LHX8: variants seen among roughly 807,000 people sequenced by gnomAD.
The protein encoded by LHX8 is LIM homeobox 8, also known as LIM/homeobox protein Lhx8.
LHX8 carries 12 observed loss-of-function variants against 40.3 expected under a neutral mutation model. The observed-to-expected ratio is 0.30, with a 90% CI of 0.19 to 0.48. The LOEUF (loss-of-function observed/expected upper bound fraction) is 0.48. LHX8 is among the 20% of genes least tolerant of loss of function. The pLI, the probability that LHX8 is intolerant of heterozygous loss-of-function variation, is 0.99. For missense variants in LHX8, 344 were observed against 433.7 expected (o/e 0.79, Z 1.84); for synonymous variants, 179 against 162.0 (o/e 1.10, Z -0.80).
chr1:75,164,973 G>T (rs942063266), downstream of LHX8, among the ~76,000 whole-genome samples: 2 of 152,052 alleles, frequency 1.3e-5, no homozygotes, highest in Admixed American at 6.6e-5. Flanking sequence ...ACGTCCAGCC[G>T]AAAACTAGTA....
intron 7 of LHX8, 85 bp downstream of exon 7, chr1:75,148,767 T>G: frequency 1.1e-6 from 1 of 936,472 alleles, no homozygotes; most frequent in Non-Finnish European, 1.7e-6. Context: ...GATCTTGAAC[T>G]CTTGAGCTTA....
At chr1:75,181,835 G>A in the LHX8 span, among the ~76,000 whole-genome samples, 1 of 152,052 alleles carries the variant, frequency 6.6e-6, no homozygotes, top group African/African-American at 2.4e-5. Context: ...TCTTGGAAGG[G>A]ACCCCCATTT....
downstream of LHX8, among the ~76,000 whole-genome samples, chr1:75,164,153 A>G (rs533951047): frequency 9.6e-4 from 147 of 152,364 alleles, no homozygotes; most frequent in African/African-American, 3.3e-3. Context: ...TTTTATTATT[A>G]TGAATAGAGC....
intron 3 of LHX8, 61 bp from the exon 4 acceptor site, chr1:75,140,924 A>T: frequency 6.3e-7 from 1 of 1,584,558 alleles, no homozygotes; most frequent in Non-Finnish European, 8.7e-7. Flanking sequence ...TGCCCAATAC[A>T]CAAAACCAAT....
chr1:75,188,016 C>T, the LHX8 span, among the ~76,000 whole-genome samples: 2 of 152,124 alleles, frequency 1.3e-5, no homozygotes, highest in African/African-American at 4.8e-5. Context: ...CTTTCATGCC[C>T]CTTCATCTGT....
chr1:75,157,205 G>A, intron 8 of LHX8, 129 bp downstream of exon 8: 1 of 1,036,776 alleles, frequency 9.6e-7, no homozygotes, highest in Non-Finnish European at 1.5e-6. Flanking sequence ...ATTGTGGGGG[G>A]TGCAGTAGAG....
the LHX8 span, among the ~76,000 whole-genome samples, chr1:75,178,941 A>T: frequency 6.6e-6 from 1 of 152,184 alleles, no homozygotes; most frequent in Non-Finnish European, 1.5e-5. Flanking sequence ...CCCAGTAGTC[A>T]TTCAGGAGCA....
chr1:75,160,982 T>A lies in LHX8; in HGVS notation c.*87T>A, dbSNP rs1648903477. ...ACCATTGAAAAGATATTACTGTTAA[T>A]TTTTTATTTAACACCTAAAGCATTT... On this transcript the variant is annotated 3_prime_UTR_variant, in exon 9 of 9. Transcript: ENST00000356261. The A allele has an allele frequency of 9.7e-7, 1 of 1,032,238 alleles. No individual in the cohort carries two copies. The highest frequency in any genetic ancestry group is 1.6e-5 in the African/African-American group (1 of 62,330). 63.9% of individuals were successfully genotyped at this position (1,032,238 alleles called of 1,614,324 possible).
intron 6 of LHX8, among the ~76,000 whole-genome samples, chr1:75,145,645 T>G (rs1193950400): frequency 6.6e-6 from 1 of 152,106 alleles, no homozygotes; most frequent in Non-Finnish European, 1.5e-5. Context: ...GAGAAGAGAT[T>G]TGGAACCTTC....
the LHX8 span, among the ~76,000 whole-genome samples, chr1:75,180,803 C>G: frequency 2.6e-5 from 4 of 152,164 alleles, no homozygotes; most frequent in Non-Finnish European, 5.9e-5. Context: ...CTTTTCTGCT[C>G]TGGTTTCTCC....
chr1:75,133,765 A>G (rs1262540629), upstream of LHX8, among the ~76,000 whole-genome samples: 2 of 152,200 alleles, frequency 1.3e-5, no homozygotes, highest in African/African-American at 4.8e-5. Context: ...GCTCGGGCTT[A>G]CATTTTGTCT....
At chr1:75,156,565 G>A (rs1570305268) in intron 7 of LHX8, among the ~76,000 whole-genome samples, 1 of 152,144 alleles carries the variant, frequency 6.6e-6, no homozygotes, top group Non-Finnish European at 1.5e-5. Context: ...TTTAATAATT[G>A]CATTCAAGGG....
At chr1:75,168,648 T>C in the LHX8 span, among the ~76,000 whole-genome samples, 2 of 152,312 alleles carry the variant, frequency 1.3e-5, no homozygotes, top group African/African-American at 4.8e-5. Flanking sequence ...GAGCTTTTCC[T>C]GTTCTGGCCT....
At chr1:75,163,504 C>T (rs1278356749), downstream of LHX8, among the ~76,000 whole-genome samples, 1 of 152,142 alleles carries the variant, frequency 6.6e-6, no homozygotes, top group Non-Finnish European at 1.5e-5. Flanking sequence ...TCAATGGCTC[C>T]TACCGGAGGA....
chr1:75,150,570 C>T (rs1368493505), intron 7 of LHX8, among the ~76,000 whole-genome samples: 4 of 151,656 alleles, frequency 2.6e-5, no homozygotes, highest in East Asian at 1.9e-4. Context: ...AGGAAGGAGT[C>T]GGGTGGAGAA....
At chr1:75,179,084 A>T in the LHX8 span, among the ~76,000 whole-genome samples, 6 of 152,188 alleles carry the variant, frequency 3.9e-5, no homozygotes, top group Non-Finnish European at 5.9e-5. Context: ...GGAGTGCTTT[A>T]CTTCCAACTA....
At chr1:75,138,843 T>C (rs918337893) in intron 3 of LHX8, among the ~76,000 whole-genome samples, 9 of 152,176 alleles carry the variant, frequency 5.9e-5, no homozygotes, top group Non-Finnish European at 1.2e-4. Flanking sequence ...GTGAGTTACA[T>C]AAAGCTTTCC....
rs752170062 is a variant in LHX8 at position 75,143,099 on chromosome 1, A to C, written c.360-19A>C. 5 of 1,599,798 alleles carry C rather than the reference A, an allele frequency of 3.1e-6. No individual in the cohort carries two copies. The South Asian group carries it at 4.4e-5, about 14-fold the overall frequency. On this transcript the variant is annotated intron_variant, in intron 4 of 8. Coordinates refer to ENST00000356261, the MANE Select transcript of LHX8 (RefSeq NM_001256114.2). The stretch of plus-strand genomic sequence containing the variant: ...CCAGGCATTAAAATATTTACCTTCC[A>C]CACCTCTATTTAATGTAGAAGGTAT...
At chr1:75,190,032 A>G in the LHX8 span, among the ~76,000 whole-genome samples, 1 of 152,214 alleles carries the variant, frequency 6.6e-6, no homozygotes, top group Non-Finnish European at 1.5e-5. Flanking sequence ...GCCAAAGGAG[A>G]AAGACAGACT....
Sources: gnomAD v4.1 joint callset for allele counts (sites outside exome capture counted in the v4.1 genomes callset) on GRCh38, gnomAD v4.1.1 for gene constraint, MANE v1.5 for transcripts, NCBI Gene and HGNC (gene_info 2026-07-23, HGNC 2026-07-21) for gene names.